CSNK1G3: variants seen among roughly 807,000 people sequenced by gnomAD.
CSNK1G3 encodes casein kinase I isoform gamma-3.
In CSNK1G3, 23 loss-of-function variants were observed where a neutral mutation model predicts 64.3. The observed-to-expected ratio is 0.36, with a 90% CI of 0.26 to 0.51. The LOEUF (loss-of-function observed/expected upper bound fraction) is 0.51. Among genes scored for constraint, CSNK1G3 ranks in the 20% least tolerant of loss-of-function variants. CSNK1G3 has a pLI of 0.96. For synonymous variants in CSNK1G3, 158 were observed against 162.2 expected (o/e 0.97, Z 0.20); for missense variants, 357 against 510.5 (o/e 0.70, Z 2.90).
chr5:123,581,815 A>T (rs1790349329), intron 6 of CSNK1G3, among the ~76,000 whole-genome samples: 1 of 151,918 alleles, frequency 6.6e-6, no homozygotes, highest in South Asian at 2.1e-4. Context: ...GTAACTTTTA[A>T]TATTTAAGAA....
chr5:123,563,453 G>C (rs1433812973), intron 4 of CSNK1G3, among the ~76,000 whole-genome samples: 1 of 151,916 alleles, frequency 6.6e-6, no homozygotes, highest in Non-Finnish European at 1.5e-5. Flanking sequence ...TTTGTGCCTT[G>C]TTAAAAAGTC....
At chr5:123,552,387 A>T (rs1055718557) in intron 2 of CSNK1G3, among the ~76,000 whole-genome samples, 2 of 151,886 alleles carry the variant, frequency 1.3e-5, no homozygotes, top group Non-Finnish European at 1.5e-5. Flanking sequence ...TTCATGATCC[A>T]CCTGCCTCAG....
chr5:123,612,016 C>A (rs2151257891), intron 12 of CSNK1G3, among the ~76,000 whole-genome samples: 1 of 152,280 alleles, frequency 6.6e-6, no homozygotes, highest in East Asian at 1.9e-4. Flanking sequence ...AAATCCAGAT[C>A]AAATCTCTTA....
intron 1 of CSNK1G3, among the ~76,000 whole-genome samples, chr5:123,541,619 G>T (rs1205188429): frequency 2.0e-5 from 3 of 151,710 alleles, no homozygotes; most frequent in African/African-American, 7.3e-5. Context: ...TTTATTAGAG[G>T]CAGGCTCTCA....
At chr5:123,541,167 A>T (rs558202846) in intron 1 of CSNK1G3, among the ~76,000 whole-genome samples, 2 of 152,318 alleles carry the variant, frequency 1.3e-5, no homozygotes, top group Non-Finnish European at 2.9e-5. Flanking sequence ...CTATTAAAAA[A>T]TTTGTAACAA....
intron 6 of CSNK1G3, among the ~76,000 whole-genome samples, chr5:123,584,661 A>G (rs1429101406): frequency 6.6e-6 from 1 of 152,164 alleles, no homozygotes; most frequent in Non-Finnish European, 1.5e-5. Context: ...TTTATGTAGA[A>G]TTGGTATTAT....
At chr5:123,597,200 G>T (rs1793599988) in intron 10 of CSNK1G3, among the ~76,000 whole-genome samples, 1 of 152,088 alleles carries the variant, frequency 6.6e-6, no homozygotes, top group Non-Finnish European at 1.5e-5. Context: ...AGAAGAATTT[G>T]CCTTGGGCTT....
rs1278327580 is a variant in CSNK1G3, at chr5:123,542,661, A to G, written c.-247-2756A>G. Among the ~76,000 whole-genome samples the G allele has an allele frequency of 3.3e-5, 5 of 152,154 alleles. No homozygotes were observed. In the East Asian group the frequency reaches 5.8e-4, roughly 18 times the overall value. The stretch of plus-strand genomic sequence containing the variant: ...ACACCTGTGGCAAAAAGAGGGGAAA[A>G]ATAATTCTAGGTTGAAAGTTTTTAT... On this transcript the variant is annotated intron_variant, in intron 1 of 12. Coordinates refer to ENST00000345990, the Ensembl canonical transcript of CSNK1G3.
intron 6 of CSNK1G3, among the ~76,000 whole-genome samples, chr5:123,578,811 G>A (rs1363862110): frequency 6.6e-6 from 1 of 151,742 alleles, no homozygotes; most frequent in Non-Finnish European, 1.5e-5. Flanking sequence ...AGGGGTTGAG[G>A]TTCTTTCTAT....
At chr5:123,615,916 T>A (rs1749370107) in exon 13 of CSNK1G3, 1 of 145,898 alleles carries the variant, frequency 6.9e-6, no homozygotes, top group African/African-American at 2.8e-5. Flanking sequence ...TAAAGCTACA[T>A]TTTTTTACTT....
chr5:123,558,197 G>A (rs1784987510), intron 4 of CSNK1G3, among the ~76,000 whole-genome samples: 1 of 152,074 alleles, frequency 6.6e-6, no homozygotes, highest in Non-Finnish European at 1.5e-5. Context: ...CTCCATAACT[G>A]TAAAAAAATA....
In CSNK1G3 at chr5:123,575,973, C is replaced by T. The variant is rs758081421; in HGVS notation, c.673+10C>T. On this transcript the variant is annotated intron_variant, in intron 6 of 12. Transcript: ENST00000345990. ...ACACATTTAGGAAAAGGTATGTGTA[C>T]CTTTCGTAAGTATGGAAGTTTGAAC... The T allele has an allele frequency of 7.7e-6, 12 of 1,561,176 alleles. No individual in the cohort carries two copies. The highest frequency in any genetic ancestry group is 1.1e-5 in the Non-Finnish European group (12 of 1,133,820).
At chr5:123,611,971 G>A (rs1237430625) in intron 12 of CSNK1G3, among the ~76,000 whole-genome samples, 1 of 152,132 alleles carries the variant, frequency 6.6e-6, no homozygotes, top group Non-Finnish European at 1.5e-5. Context: ...ATATTAGGTA[G>A]CTGACAGTTA....
At chr5:123,533,274 A>T (rs773404367) in intron 1 of CSNK1G3, among the ~76,000 whole-genome samples, 1 of 151,926 alleles carries the variant, frequency 6.6e-6, no homozygotes, top group Non-Finnish European at 1.5e-5. Flanking sequence ...TTTCAATTGT[A>T]GTATTATTTT....
exon 11 of CSNK1G3, chr5:123,604,775 C>T (rs1182001385): frequency 3.7e-6 from 6 of 1,611,786 alleles, no homozygotes; most frequent in East Asian, 4.5e-5. Flanking sequence ...CACCGCAGGA[C>T]GTTCAAATGC....
chr5:123,610,294 T>C (rs928628888), intron 12 of CSNK1G3, among the ~76,000 whole-genome samples: 6 of 152,124 alleles, frequency 3.9e-5, no homozygotes, highest in South Asian at 4.1e-4. Context: ...GTCAAAGAAT[T>C]AAAGATTAGA....
At chr5:123,576,267 TATGAG>T (rs1789146320) in intron 6 of CSNK1G3, among the ~76,000 whole-genome samples, 1 of 152,098 alleles carries the variant, frequency 6.6e-6, no homozygotes, top group African/African-American at 2.4e-5. Flanking sequence ...TCTTACAAAA[TATGAG>T]AGAATACCAA....
chr5:123,615,932 T>C (rs921092194), exon 13 of CSNK1G3: 1 of 152,206 alleles, frequency 6.6e-6, no homozygotes, highest in African/African-American at 2.4e-5. Flanking sequence ...TACTTCATTA[T>C]TGCATTTACA....
chr5:123,603,471 A>G (rs1214290257), intron 10 of CSNK1G3, among the ~76,000 whole-genome samples: 1 of 152,124 alleles, frequency 6.6e-6, no homozygotes, highest in Admixed American at 6.6e-5. Flanking sequence ...GCAGGAAACA[A>G]TACAAGGTCT....
Sources: gnomAD v4.1 joint callset for allele counts (sites outside exome capture counted in the v4.1 genomes callset) on GRCh38, gnomAD v4.1.1 for gene constraint, MANE v1.5 for transcripts, NCBI Gene and HGNC (gene_info 2026-07-23, HGNC 2026-07-21) for gene names.